The following ZNF654 variants were observed in gnomAD, a reference collection of about 807,000 sequenced individuals.
ZNF654 encodes the protein zinc finger protein 654.
In ZNF654, 19 loss-of-function variants were observed where a neutral mutation model predicts 95.3. The ratio of observed to expected loss-of-function variants is 0.20; its 90% CI spans 0.14 to 0.29. ZNF654 has a LOEUF of 0.29. Among genes scored for constraint, ZNF654 ranks in the 10% least tolerant of loss-of-function variants. ZNF654 has a pLI of 1.00. For synonymous variants in ZNF654, 413 were observed against 457.9 expected (o/e 0.90, Z 1.25); for missense variants, 1,046 against 1,341.0 (o/e 0.78, Z 3.44).
intron 1 of ZNF654, among the ~76,000 whole-genome samples, chr3:88,069,569 T>C (rs1435253447): frequency 1.3e-5 from 2 of 152,220 alleles, no homozygotes; most frequent in Non-Finnish European, 2.9e-5. Flanking sequence ...CAGGACAATG[T>C]TTGCTTACCA....
chr3:88,116,659 A>C (rs1705425369), intron 3 of ZNF654, among the ~76,000 whole-genome samples: 1 of 151,740 alleles, frequency 6.6e-6, no homozygotes, highest in South Asian at 2.1e-4. Flanking sequence ...TTTTCATGAG[A>C]GCATTCTTCC....
chr3:88,118,743 A>G (rs1705568072), intron 3 of ZNF654, among the ~76,000 whole-genome samples: 1 of 152,212 alleles, frequency 6.6e-6, no homozygotes, highest in African/African-American at 2.4e-5. Flanking sequence ...CGAATTTTCA[A>G]AACTGTGCTA....
intron 3 of ZNF654, 88 bp from the exon 4 acceptor site, chr3:88,126,046 G>A (rs1576331247): frequency 7.9e-7 from 1 of 1,257,988 alleles, no homozygotes; most frequent in Non-Finnish European, 1.0e-6. Context: ...TGCCTCACTG[G>A]CCATCAGTCA....
In ZNF654 at chr3:88,142,083, T is replaced by G. The variant is rs1455540510; in HGVS notation, c.*431T>G. On this transcript the variant is annotated 3_prime_UTR_variant, in exon 9 of 9. Transcript: ENST00000636215. ...AGTATTTTATTCTACAAATGGGGTTTGTTTTCTTGTCATGCATAATCAGAT... is the reference window on the plus strand; with the variant it reads ...AGTATTTTATTCTACAAATGGGGTTGGTTTTCTTGTCATGCATAATCAGAT... 3 of 154,538 alleles carry G rather than the reference T, an allele frequency of 1.9e-5. No individual in the cohort carries two copies. The highest frequency in any genetic ancestry group is 7.2e-5 in the African/African-American group (3 of 41,508). The allele number at this position is 154,538 out of a possible 1,614,324, so 9.6% of individuals were successfully genotyped here.
rs145150752 is a variant in ZNF654, at chr3:88,115,365, C to T, written c.414+2169C>T. Among the ~76,000 whole-genome samples, 249 of 152,256 alleles carry T rather than the reference C, an allele frequency of 1.6e-3. 3 individuals are homozygous for T. The highest frequency in any genetic ancestry group is 9.0e-4 in the Non-Finnish European group (61 of 68,018). ...TGGGCAAGTTTCATAATTTCTGTACCAGTTTCTTTATTTGTAAAATGGAGG... is the reference window on the plus strand; with the variant it reads ...TGGGCAAGTTTCATAATTTCTGTACTAGTTTCTTTATTTGTAAAATGGAGG... On this transcript the variant is annotated intron_variant, in intron 3 of 8. Transcript: ENST00000636215.
At position 88,141,930 on chromosome 3, in the gene ZNF654, TATATG is replaced by T; in HGVS notation, c.*280_*284del. On this transcript the variant is annotated 3_prime_UTR_variant, in exon 9 of 9. Coordinates refer to ENST00000636215, the MANE Select transcript of ZNF654 (RefSeq NM_001350134.2). ...TAGCAGCAGCATGTTCAGTTTCGCTTATATGAGAAACATGTTTAGGCAACTAGTCA... is the reference window on the plus strand; with the variant it reads ...TAGCAGCAGCATGTTCAGTTTCGCTTAGAAACATGTTTAGGCAACTAGTCA... 3.4e-6 allele frequency: 1 copy of T among 292,648 alleles called. No individual in the cohort carries two copies. Among genetic ancestry groups the T allele is most frequent in the Admixed American group, 4.9e-5 (1 of 20,420 alleles). The allele number at this position is 292,648 out of a possible 1,614,324, so 18.1% of individuals were successfully genotyped here.
In ZNF654 at chr3:88,088,761, TATGG is replaced by T. The variant is rs931246026; in HGVS notation, c.332+2393_332+2396del. 9.0e-3 allele frequency among the ~76,000 whole-genome samples: 1,142 copies of T among 126,472 alleles called. 8 individuals carry two copies. The highest frequency in any genetic ancestry group is 0.017 in the African/African-American group (554 of 33,430). 83.0% of individuals were successfully genotyped at this position (126,472 alleles called of 152,430 possible). On this transcript the variant is annotated intron_variant, in intron 2 of 8. Coordinates refer to ENST00000636215, the MANE Select transcript of ZNF654 (RefSeq NM_001350134.2). Reference sequence around the variant, plus strand: ...ACCTTTATTTATGTATGTATGTATGTATGGATGGATGGATGGATGGATGGATGGA... The same window carrying T: ...ACCTTTATTTATGTATGTATGTATGTATGGATGGATGGATGGATGGATGGA...
At chr3:88,116,973 A>T (rs1705452262) in intron 3 of ZNF654, among the ~76,000 whole-genome samples, 1 of 152,220 alleles carries the variant, frequency 6.6e-6, no homozygotes, top group East Asian at 1.9e-4. Flanking sequence ...TTAACTGGAA[A>T]GATAAGACAG....
intron 1 of ZNF654, among the ~76,000 whole-genome samples, chr3:88,063,387 T>C (rs940065426): frequency 2.6e-5 from 4 of 152,206 alleles, no homozygotes; most frequent in African/African-American, 9.7e-5. Context: ...GGCACTGTAA[T>C]AGGTGCCTTA....
At chr3:88,137,499 A>G (rs1367738784) in intron 7 of ZNF654, among the ~76,000 whole-genome samples, 1 of 152,202 alleles carries the variant, frequency 6.6e-6, no homozygotes, top group African/African-American at 2.4e-5. Flanking sequence ...ATAAAAAATG[A>G]GACACTGTCA....
chr3:88,072,817 T>A (rs1707592366), intron 1 of ZNF654, among the ~76,000 whole-genome samples: 1 of 152,164 alleles, frequency 6.6e-6, no homozygotes, highest in African/African-American at 2.4e-5. Context: ...AATAAATTAA[T>A]GAATAAATAT....
intron 2 of ZNF654, among the ~76,000 whole-genome samples, chr3:88,110,068 G>T (rs1704995887): frequency 6.6e-6 from 1 of 152,096 alleles, no homozygotes; most frequent in Non-Finnish European, 1.5e-5. Context: ...AATCTGGATG[G>T]TGACATGTTA....
chr3:88,126,590 T>A (rs1416702768), intron 4 of ZNF654, among the ~76,000 whole-genome samples: 2 of 150,040 alleles, frequency 1.3e-5, no homozygotes, highest in Non-Finnish European at 3.0e-5. Context: ...TTTTTTTTTT[T>A]TTTTTTTTTT....
chr3:88,094,344 T>A (rs1703930075), intron 2 of ZNF654, among the ~76,000 whole-genome samples: 1 of 152,138 alleles, frequency 6.6e-6, no homozygotes, highest in African/African-American at 2.4e-5. Context: ...TCTTTATTGC[T>A]CCTTTTATTG....
Position 88,128,935 on chromosome 3 carries a change from G to A in ZNF654, c.677G>A (p.Ser226Asn), listed in dbSNP as rs1559729140. The A allele has an allele frequency of 6.5e-7, 1 of 1,535,336 alleles. No homozygotes were observed. The highest frequency in any genetic ancestry group is 8.7e-7 in the Non-Finnish European group (1 of 1,146,468). ...TCTTGTATAAATCACCCAGAAATCAGTAAAGACTTATACTTCCATCAAGCA... is the reference window on the plus strand; with the variant it reads ...TCTTGTATAAATCACCCAGAAATCAATAAAGACTTATACTTCCATCAAGCA... ...IKSCINHPEISKDLYFHQALF... is the reference protein window; with the variant it reads ...IKSCINHPEINKDLYFHQALF... Residue 226 changes from serine (S) to asparagine (N), a missense_variant, in exon 5 of 9, where the codon AGT becomes AAT. Ser to Asn is a conservative substitution (Grantham distance 46). This residue lies in a region of ZNF654 where 121 missense variants were observed against 141.7 expected (regional missense o/e 0.85). Coordinates refer to ENST00000636215, the MANE Select transcript of ZNF654 (RefSeq NM_001350134.2).
At chr3:88,071,424 C>T (rs1707503191) in intron 1 of ZNF654, among the ~76,000 whole-genome samples, 1 of 152,162 alleles carries the variant, frequency 6.6e-6, no homozygotes, top group South Asian at 2.1e-4. Flanking sequence ...GCGGGCGGAT[C>T]ACAAAGTTAG....
intron 2 of ZNF654, among the ~76,000 whole-genome samples, chr3:88,106,246 A>G (rs1431935295): frequency 6.6e-6 from 1 of 152,186 alleles, no homozygotes; most frequent in African/African-American, 2.4e-5. Context: ...CCTACTTTCT[A>G]TAAATTAGTT....
intron 1 of ZNF654, among the ~76,000 whole-genome samples, chr3:88,063,544 T>C (rs751943541): frequency 4.6e-5 from 7 of 152,220 alleles, no homozygotes; most frequent in Non-Finnish European, 1.0e-4. Flanking sequence ...ATAATACTTA[T>C]TATAGCTCTA....
At chr3:88,104,161 G>A (rs936038014) in intron 2 of ZNF654, among the ~76,000 whole-genome samples, 37 of 152,170 alleles carry the variant, frequency 2.4e-4, no homozygotes, top group African/African-American at 8.9e-4. Context: ...ACAGAAAAAT[G>A]TTAAAGGGAG....
Sources: gnomAD v4.1 joint callset for allele counts (sites outside exome capture counted in the v4.1 genomes callset) on GRCh38, gnomAD v4.1.1 for gene constraint, gnomAD v4.1.1 regional missense constraint, MANE v1.5 for transcripts, NCBI Gene and HGNC (gene_info 2026-07-23, HGNC 2026-07-21) for gene names.